CDRT4: variants seen among roughly 807,000 people sequenced by gnomAD.
CDRT4 encodes CMT1A duplicated region transcript 4.
For missense variants in CDRT4, 167 were observed against 193.1 expected, an observed-to-expected ratio of 0.87 and a Z score of 0.80; for synonymous variants, 64 against 69.6, an observed-to-expected ratio of 0.92 and a Z score of 0.40.
chr17:15,445,775 T>A lies in CDRT4; in HGVS notation c.-47-5490A>T, dbSNP rs60552710. ...ACCTGTGTTCACTCTGTTCAGCCTC[T>A]TTCTTCTCTTCTCTGCTCCAATCTG... On this transcript the variant is annotated intron_variant, in intron 2 of 3. Transcript: ENST00000619038. Among the ~76,000 whole-genome samples the A allele has an allele frequency of 2.3e-3, 351 of 152,314 alleles. 2 individuals are homozygous for A. Among genetic ancestry groups the A allele is most frequent in the African/African-American group, 8.0e-3 (333 of 41,560 alleles).
At chr17:15,444,637 A>G (rs912299839) in intron 2 of CDRT4, among the ~76,000 whole-genome samples, 7 of 152,038 alleles carry the variant, frequency 4.6e-5, no homozygotes, top group African/African-American at 1.4e-4. Flanking sequence ...GGATCACTTG[A>G]GGCCAGGAGT....
At chr17:15,462,427 CAAAAAA>C (rs55662712) in intron 1 of CDRT4, among the ~76,000 whole-genome samples, 1 of 59,890 alleles carries the variant, frequency 1.7e-5, no homozygotes, top group Non-Finnish European at 3.0e-5. Flanking sequence ...GACTCCATCT[CAAAAAA>C]AAAAAAAAAA....
Position 15,440,256 on chromosome 17 carries a change from C to T in CDRT4, c.-18G>A. ...GCATCCATCTTCTTTTTAATATTTA[C>T]TGATTTCTTAACATCACAGGTTCAG... is the stretch of plus-strand genomic sequence containing the variant. On this transcript the variant is annotated 5_prime_UTR_variant, in exon 3 of 4. Transcript: ENST00000619038. The T allele has an allele frequency of 1.9e-6, 3 of 1,613,150 alleles. No individual in the cohort carries two copies. Among genetic ancestry groups the T allele is most frequent in the Non-Finnish European group, 2.5e-6 (3 of 1,179,960 alleles).
intron 2 of CDRT4, among the ~76,000 whole-genome samples, chr17:15,445,549 A>T (rs1223377008): frequency 2.6e-5 from 4 of 152,196 alleles, no homozygotes; most frequent in Non-Finnish European, 5.9e-5. Flanking sequence ...ATCTCATGGA[A>T]CTAGCAACCA....
At chr17:15,461,057 TC>T (rs1979725519) in intron 1 of CDRT4, among the ~76,000 whole-genome samples, 1 of 152,202 alleles carries the variant, frequency 6.6e-6, no homozygotes, top group African/African-American at 2.4e-5. Flanking sequence ...TTTTCTAACT[TC>T]CTACTCTAAA....
chr17:15,452,307 T>C (rs911368923), intron 2 of CDRT4, among the ~76,000 whole-genome samples: 3 of 152,250 alleles, frequency 2.0e-5, no homozygotes, highest in South Asian at 2.1e-4. Context: ...AGTAGGTTTA[T>C]TGTGAAGATT....
At chr17:15,439,146 A>C in intron 3 of CDRT4, 1 of 456,146 alleles carries the variant, frequency 2.2e-6, no homozygotes, top group Non-Finnish European at 4.4e-6. Context: ...TGCAGCTGCT[A>C]CCTTCCTCTG....
At position 15,464,403 on chromosome 17, in the gene CDRT4, A is replaced by G. The variant is rs1465702881; in HGVS notation, c.-130+3057T>C. 1.3e-5 allele frequency among the ~76,000 whole-genome samples: 2 copies of G among 152,090 alleles called. No homozygotes were observed. The highest frequency in any genetic ancestry group is 2.4e-5 in the African/African-American group (1 of 41,402). ...ATTAGCACGGGTCCATGAGCATTAC[A>G]TATCACCCTCACTGCAGCAGCGGCT... On this transcript the variant is annotated intron_variant, in intron 1 of 3. Transcript: ENST00000619038. This position sits in a 1 kb window ranked among gnomAD's most constrained non-coding sequence, Gnocchi z 4.5.
At chr17:15,456,539 G>A (rs1979490410) in intron 1 of CDRT4, among the ~76,000 whole-genome samples, 1 of 150,200 alleles carries the variant, frequency 6.7e-6, no homozygotes, top group African/African-American at 2.5e-5. Context: ...ACTGAAGCCA[G>A]GAAGATTGCC....
chr17:15,449,991 G>A (rs903660855), intron 2 of CDRT4, among the ~76,000 whole-genome samples: 3 of 152,110 alleles, frequency 2.0e-5, no homozygotes, highest in African/African-American at 7.2e-5. Context: ...TTCCATGACT[G>A]CTATTATGAA....
At position 15,446,879 on chromosome 17, in the gene CDRT4, T is replaced by C. The variant is rs554014650; in HGVS notation, c.-48+6125A>G. On this transcript the variant is annotated intron_variant, in intron 2 of 3. Coordinates refer to ENST00000619038, the MANE Select transcript of CDRT4 (RefSeq NM_001204477.2). The stretch of plus-strand genomic sequence containing the variant: ...ATGTGTACGTTGAGGGCATTTTATT[T>C]TCCAATGGTGAAAACGCAGTTCAAG... Among the ~76,000 whole-genome samples, 15 of 152,336 alleles carry C rather than the reference T, an allele frequency of 9.8e-5. No homozygotes were observed. The Middle Eastern group carries it at 0.01, about 104-fold the overall frequency.
chr17:15,454,427 T>C (rs1385828192), intron 1 of CDRT4, among the ~76,000 whole-genome samples: 1 of 152,086 alleles, frequency 6.6e-6, no homozygotes, highest in Non-Finnish European at 1.5e-5. Context: ...ATCCGTATAG[T>C]CACTGGCATG....
At position 15,449,397 on chromosome 17, in the gene CDRT4, C is replaced by T. The variant is rs568487490; in HGVS notation, c.-48+3607G>A. Among the ~76,000 whole-genome samples, 6 of 152,310 alleles carry T rather than the reference C, an allele frequency of 3.9e-5. No homozygotes were observed. The South Asian group carries it at 1.2e-3, about 32-fold the overall frequency. On this transcript the variant is annotated intron_variant, in intron 2 of 3. Coordinates refer to ENST00000619038, the MANE Select transcript of CDRT4 (RefSeq NM_001204477.2). ...CACACAACAATTAGGTGACAAAAAACAGGATTTGCCCTCAGGCAGTCTAGC... is the reference window on the plus strand; with the variant it reads ...CACACAACAATTAGGTGACAAAAAATAGGATTTGCCCTCAGGCAGTCTAGC...
chr17:15,441,468 G>A (rs1233438855), intron 2 of CDRT4, among the ~76,000 whole-genome samples: 1 of 152,162 alleles, frequency 6.6e-6, no homozygotes, highest in African/African-American at 2.4e-5. Context: ...GGTTTAGACT[G>A]AGTAGTGGGT....
At chr17:15,444,998 T>C (rs748281872) in intron 2 of CDRT4, among the ~76,000 whole-genome samples, 4 of 152,180 alleles carry the variant, frequency 2.6e-5, no homozygotes, top group Admixed American at 6.5e-5. Context: ...TCTCACCCTC[T>C]CTGGCCGCAA....
At position 15,460,035 on chromosome 17, in the gene CDRT4, A is replaced by G. The variant is rs181496132; in HGVS notation, c.-129-6950T>C. On this transcript the variant is annotated intron_variant, in intron 1 of 3. Coordinates refer to ENST00000619038, the MANE Select transcript of CDRT4 (RefSeq NM_001204477.2). ...ACGTCTTCATCTGCAAACTCATCACAGTGCCCCAACTCCCAAAAGTGTGTT... is the reference window on the plus strand; with the variant it reads ...ACGTCTTCATCTGCAAACTCATCACGGTGCCCCAACTCCCAAAAGTGTGTT... Among the ~76,000 whole-genome samples the G allele has an allele frequency of 4.1e-3, 622 of 152,216 alleles. 1 individual carries two copies. Among genetic ancestry groups the G allele is most frequent in the South Asian group, 6.4e-3 (31 of 4,820 alleles).
At chr17:15,455,469 C>A (rs964155681) in intron 1 of CDRT4, among the ~76,000 whole-genome samples, 1 of 152,258 alleles carries the variant, frequency 6.6e-6, no homozygotes, top group African/African-American at 2.4e-5. Context: ...TTGGTATTCA[C>A]ATCCTTGTGA....
chr17:15,448,137 G>A (rs572621621), intron 2 of CDRT4, among the ~76,000 whole-genome samples: 4 of 152,276 alleles, frequency 2.6e-5, no homozygotes, highest in South Asian at 2.1e-4. Context: ...CCAGGACTGC[G>A]CTCAATCAAT....
chr17:15,462,233 CCTGA>C (rs1198284780), intron 1 of CDRT4, among the ~76,000 whole-genome samples: 24 of 151,992 alleles, frequency 1.6e-4, no homozygotes, highest in African/African-American at 5.6e-4. Context: ...TCGAGACCAT[CCTGA>C]CTAACACGGT....
Sources: gnomAD v4.1 joint callset for allele counts (sites outside exome capture counted in the v4.1 genomes callset) on GRCh38, gnomAD v4.1.1 for gene constraint, Gnocchi (gnomAD v3.1) non-coding constraint, MANE v1.5 for transcripts, NCBI Gene and HGNC (gene_info 2026-07-23, HGNC 2026-07-21) for gene names.